The following MGMT variants were observed in gnomAD, a reference collection of about 807,000 sequenced individuals.
MGMT encodes the protein methylated-DNA--protein-cysteine methyltransferase.
In MGMT, 14 loss-of-function variants were observed where a neutral mutation model predicts 15.9. The ratio of observed to expected loss-of-function variants is 0.88; its 90% CI spans 0.58 to 1.37. MGMT has a LOEUF of 1.37. Among genes scored for constraint, MGMT ranks in the 40% most tolerant of loss-of-function variants. The pLI is 0.00. For missense variants in MGMT, 282 were observed against 268.1 expected (o/e 1.05, Z -0.36); for synonymous variants, 130 against 118.2 (o/e 1.10, Z -0.65).
At chr10:129,597,785 A>T (rs1332203106) in intron 2 of MGMT, among the ~76,000 whole-genome samples, 2 of 152,202 alleles carry the variant, frequency 1.3e-5, no homozygotes, top group Admixed American at 6.5e-5. Flanking sequence ...GGAAAGTGTG[A>T]CATACTTCCT....
chr10:129,684,559 G>T (rs1353463378), intron 2 of MGMT, among the ~76,000 whole-genome samples: 2 of 152,160 alleles, frequency 1.3e-5, no homozygotes, highest in Non-Finnish European at 2.9e-5. Context: ...ATCTAATAAA[G>T]TCTGTGAATA....
chr10:129,695,885 C>G (rs559105668), intron 2 of MGMT, among the ~76,000 whole-genome samples: 5 of 152,152 alleles, frequency 3.3e-5, no homozygotes. Flanking sequence ...GCACTTTGCT[C>G]TTCCGGTGGA....
intron 1 of MGMT, among the ~76,000 whole-genome samples, chr10:129,487,659 T>C (rs1845422677): frequency 6.6e-6 from 1 of 152,070 alleles, no homozygotes; most frequent in South Asian, 2.1e-4. Context: ...TGTTGGGATT[T>C]CTTTTTCTTA....
At chr10:129,622,016 G>A (rs1847096201) in intron 2 of MGMT, among the ~76,000 whole-genome samples, 1 of 152,180 alleles carries the variant, frequency 6.6e-6, no homozygotes, top group Admixed American at 6.5e-5. Flanking sequence ...ACAGAACGGT[G>A]TTTGTTTTAC....
In MGMT at chr10:129,566,089, C is replaced by T. The variant is rs1354932193; in HGVS notation, c.125+29712C>T. On this transcript the variant is annotated intron_variant, in intron 2 of 4. Transcript: ENST00000651593. This position sits in a 1 kb window ranked among gnomAD's most constrained non-coding sequence, Gnocchi z 4.1. ...CTCTGGTCATTCACACGTGGCCTGG[C>T]CACTTGCCTATTGTACCAGCTCTCC... 6.6e-6 allele frequency among the ~76,000 whole-genome samples: 1 copy of T among 152,200 alleles called. No homozygotes were observed. The highest frequency in any genetic ancestry group is 6.5e-5 in the Admixed American group (1 of 15,292).
intron 3 of MGMT, among the ~76,000 whole-genome samples, chr10:129,712,113 C>A (rs1472522750): frequency 6.6e-6 from 1 of 152,124 alleles, no homozygotes; most frequent in Non-Finnish European, 1.5e-5. Context: ...GATACAGAAC[C>A]CATCTGGGCA....
rs1439037340 is a variant in MGMT, at chr10:129,467,316, C to A, written c.-13+20C>A. ...GACTTGGTGAGTGTCTGGGTCGCCT[C>A]GCTCCCGGAAGAGTGCGGAGCTCTC... On this transcript the variant is annotated intron_variant, in intron 1 of 4. Coordinates refer to ENST00000651593, the MANE Select transcript of MGMT (RefSeq NM_002412.5). The A allele has an allele frequency of 1.5e-4, 229 of 1,534,746 alleles. No homozygotes were observed. Among genetic ancestry groups the A allele is most frequent in the Non-Finnish European group, 2.0e-4 (227 of 1,141,380 alleles).
intron 1 of MGMT, among the ~76,000 whole-genome samples, chr10:129,487,252 A>G (rs913968197): frequency 2.0e-5 from 3 of 152,162 alleles, no homozygotes; most frequent in Non-Finnish European, 4.4e-5. Context: ...GGAAGAAGTC[A>G]TGATGGTTGC....
intron 3 of MGMT, among the ~76,000 whole-genome samples, chr10:129,734,498 A>G (rs1848538131): frequency 6.6e-6 from 1 of 151,936 alleles, no homozygotes; most frequent in Admixed American, 6.6e-5. Flanking sequence ...CAATCATGTC[A>G]TCTGCAAACA....
chr10:129,582,419 A>T (rs1846567632), intron 2 of MGMT, among the ~76,000 whole-genome samples: 1 of 152,214 alleles, frequency 6.6e-6, no homozygotes, highest in Non-Finnish European at 1.5e-5. Context: ...CAGGCATTGA[A>T]AAAATAACAT....
intron 2 of MGMT, among the ~76,000 whole-genome samples, chr10:129,550,184 G>A (rs550588189): frequency 6.6e-6 from 1 of 152,324 alleles, no homozygotes; most frequent in East Asian, 1.9e-4. Flanking sequence ...ATCTGTGAGT[G>A]CACAGTGCAG....
intron 2 of MGMT, among the ~76,000 whole-genome samples, chr10:129,633,156 A>G (rs1455765454): frequency 6.6e-6 from 1 of 152,234 alleles, no homozygotes; most frequent in Non-Finnish European, 1.5e-5. Context: ...AACCCTTCTC[A>G]GTACTCCCAC....
At chr10:129,742,034 T>A (rs976818060) in intron 3 of MGMT, among the ~76,000 whole-genome samples, 2 of 152,100 alleles carry the variant, frequency 1.3e-5, no homozygotes, top group Non-Finnish European at 2.9e-5. Flanking sequence ...GGAAGGATAA[T>A]GATTGGGGAA....
At chr10:129,470,603 T>C (rs944512590) in intron 1 of MGMT, among the ~76,000 whole-genome samples, 1 of 152,078 alleles carries the variant, frequency 6.6e-6, no homozygotes, top group Admixed American at 6.5e-5. Flanking sequence ...AATCAAACAC[T>C]GAGTCCTGCC....
intron 2 of MGMT, among the ~76,000 whole-genome samples, chr10:129,651,339 A>C (rs1847455882): frequency 6.6e-6 from 1 of 152,160 alleles, no homozygotes; most frequent in African/African-American, 2.4e-5. Flanking sequence ...GGTGACTAAT[A>C]AGCTAAAGAA....
intron 2 of MGMT, among the ~76,000 whole-genome samples, chr10:129,704,849 C>G (rs1260029844): frequency 6.6e-6 from 1 of 152,098 alleles, no homozygotes; most frequent in Admixed American, 6.5e-5. Context: ...GCCCAGAGAC[C>G]CAGCCTCCAG....
chr10:129,765,078 A>G (rs1848918017), intron 4 of MGMT, among the ~76,000 whole-genome samples: 1 of 151,756 alleles, frequency 6.6e-6, no homozygotes. Flanking sequence ...GCTCATTGGC[A>G]GTTTACCTTC....
intron 2 of MGMT, among the ~76,000 whole-genome samples, chr10:129,611,863 G>T (rs1042799642): frequency 6.6e-5 from 10 of 152,202 alleles, no homozygotes; most frequent in African/African-American, 2.4e-4. Context: ...GCCTGGGCAA[G>T]TACCCAGAAT....
intron 2 of MGMT, among the ~76,000 whole-genome samples, chr10:129,631,887 T>C (rs1297763331): frequency 1.3e-5 from 2 of 152,214 alleles, no homozygotes; most frequent in Non-Finnish European, 2.9e-5. Context: ...ATTATTTATG[T>C]TTTATCAGTC....
Sources: allele counts gnomAD v4.1 joint callset (sites outside exome capture counted in the v4.1 genomes callset), GRCh38; gene constraint gnomAD v4.1.1; non-coding constraint Gnocchi (gnomAD v3.1); transcripts MANE v1.5; gene names NCBI Gene and HGNC (gene_info 2026-07-23, HGNC 2026-07-21).